CHN2: variants seen among roughly 807,000 people sequenced by gnomAD.
CHN2 encodes chimerin 2.
Under a neutral mutation model 56.3 loss-of-function variants are expected in CHN2, and 35 were observed. That is an observed-to-expected ratio of 0.62 (90% confidence interval 0.47 to 0.82). CHN2 has a LOEUF of 0.82. Ranked by LOEUF, CHN2 falls within the 40% of genes least tolerant of loss-of-function variation. CHN2 has a pLI of 0.00. For synonymous variants in CHN2, 210 were observed against 212.8 expected (o/e 0.99, Z 0.12); for missense variants, 491 against 580.5 (o/e 0.85, Z 1.58).
At chr7:29,175,176 T>C (rs1239917751) in intron 2 of CHN2, among the ~76,000 whole-genome samples, 2 of 148,462 alleles carry the variant, frequency 1.3e-5, no homozygotes, top group African/African-American at 2.5e-5. Context: ...CTTTTTCTTT[T>C]TCCTTTTTTT....
chr7:29,502,337 A>G (rs1227368545), intron 9 of CHN2, among the ~76,000 whole-genome samples: 2 of 152,152 alleles, frequency 1.3e-5, no homozygotes, highest in South Asian at 2.1e-4. Context: ...TGCGTGCACA[A>G]TCACAGTTGG....
chr7:29,435,144 G>C (rs1234041380), intron 6 of CHN2, among the ~76,000 whole-genome samples: 1 of 152,062 alleles, frequency 6.6e-6, no homozygotes, highest in Non-Finnish European at 1.5e-5. Flanking sequence ...AGATCATAAT[G>C]AGAGAATGAA....
chr7:29,332,581 CCAGGGTAAA>C (rs70980528), intron 1 of CHN2, among the ~76,000 whole-genome samples: 44,758 of 151,792 alleles, frequency 0.29, 7,013 homozygotes, highest in Admixed American at 0.36. Flanking sequence ...CACACGGTCT[CCAGGGTAAA>C]CAGCCCATCC....
At chr7:29,267,453 A>C (rs1342989007) in intron 1 of CHN2, among the ~76,000 whole-genome samples, 3 of 152,034 alleles carry the variant, frequency 2.0e-5, no homozygotes, top group Non-Finnish European at 4.4e-5. Context: ...CATGTTAGCC[A>C]GGCTGGTCTC....
chr7:29,274,835 T>G (rs536444458), intron 1 of CHN2, among the ~76,000 whole-genome samples: 1 of 152,370 alleles, frequency 6.6e-6, no homozygotes, highest in East Asian at 1.9e-4. Context: ...GCTCTGATCT[T>G]TCCAGGGCTG....
intron 1 of CHN2, among the ~76,000 whole-genome samples, chr7:29,214,759 C>A (rs1432564534): frequency 6.6e-6 from 1 of 152,098 alleles, no homozygotes; most frequent in Non-Finnish European, 1.5e-5. Flanking sequence ...ACTTAATCAC[C>A]CAAATATTTT....
intron 1 of CHN2, among the ~76,000 whole-genome samples, chr7:29,233,825 A>ATTTTTTTTTTTTTTTTTTTTTTTTTT (rs1175429614): frequency 1.9e-5 from 1 of 53,202 alleles, no homozygotes; most frequent in Non-Finnish European, 3.4e-5. Flanking sequence ...CAACACCTTG[A>ATTTTTTTTTTTTTTTTTTTTTTTTTT]TTTTTTTTTT....
At chr7:29,174,140 G>A (rs245910) in intron 2 of CHN2, among the ~76,000 whole-genome samples, 1 of 151,758 alleles carries the variant, frequency 6.6e-6, no homozygotes, top group Non-Finnish European at 1.5e-5. Context: ...AGACCCCCCC[G>A]TTTGGTGGCA....
chr7:29,449,560 A>G (rs925271278), intron 6 of CHN2, among the ~76,000 whole-genome samples: 2 of 152,264 alleles, frequency 1.3e-5, no homozygotes, highest in Non-Finnish European at 2.9e-5. Flanking sequence ...TACAAATCGT[A>G]AAGTATTTAC....
intron 7 of CHN2, among the ~76,000 whole-genome samples, chr7:29,487,713 C>T (rs893107905): frequency 2.0e-5 from 3 of 151,928 alleles, no homozygotes; most frequent in Non-Finnish European, 4.4e-5. Context: ...TCCCTCCTTC[C>T]TTTCCCTCCC....
At chr7:29,474,463 A>G (rs1786422508) in intron 6 of CHN2, among the ~76,000 whole-genome samples, 1 of 152,052 alleles carries the variant, frequency 6.6e-6, no homozygotes, top group African/African-American at 2.4e-5. Context: ...TCCATCTCCA[A>G]CTTTTTTTTT....
intron 1 of CHN2, among the ~76,000 whole-genome samples, chr7:29,240,816 T>TTCA (rs139491742): frequency 2.0e-5 from 3 of 149,324 alleles, no homozygotes; most frequent in Admixed American, 6.7e-5. Flanking sequence ...CTTCTTCTTC[T>TTCA]TCGTCGTCGT....
chr7:29,372,952 G>A (rs539306184), intron 3 of CHN2, among the ~76,000 whole-genome samples: 3 of 152,108 alleles, frequency 2.0e-5, no homozygotes, highest in African/African-American at 4.8e-5. Context: ...AGTGAATATG[G>A]GATTATAAAA....
intron 6 of CHN2, among the ~76,000 whole-genome samples, chr7:29,452,774 G>A (rs1257834315): frequency 6.6e-6 from 1 of 152,232 alleles, no homozygotes; most frequent in African/African-American, 2.4e-5. Flanking sequence ...TTTATAGGAA[G>A]AGTGAAAGAG....
chr7:29,261,488 G>GTATTTCTCTA (rs1789549762), intron 1 of CHN2, among the ~76,000 whole-genome samples: 1 of 146,058 alleles, frequency 6.8e-6, no homozygotes, highest in Admixed American at 7.1e-5. Context: ...ACCACCCTAA[G>GTATTTCTCTA]GACCACAAGT....
chr7:29,391,409 GGA>G (rs900199992), intron 3 of CHN2, among the ~76,000 whole-genome samples: 3 of 151,726 alleles, frequency 2.0e-5, no homozygotes, highest in African/African-American at 7.3e-5. Flanking sequence ...AGAGAGGAAG[GGA>G]GAGAGGGAAG....
chr7:29,213,364 A>G (rs39055), intron 1 of CHN2: 471,630 of 620,006 alleles, frequency 0.76, 181,398 homozygotes, highest in East Asian at 0.93. Flanking sequence ...TTGATGGAGG[A>G]TACAGTATGG....
intron 7 of CHN2, among the ~76,000 whole-genome samples, chr7:29,494,671 C>T (rs1789044048): frequency 6.6e-6 from 1 of 152,126 alleles, no homozygotes; most frequent in African/African-American, 2.4e-5. Context: ...ACTGAAATAC[C>T]AGAAAGACTA....
intron 1 of CHN2, among the ~76,000 whole-genome samples, chr7:29,301,066 T>C (rs1306749610): frequency 6.6e-6 from 1 of 152,136 alleles, no homozygotes; most frequent in East Asian, 1.9e-4. Flanking sequence ...AAGTTTAAAA[T>C]TTGTCAATTG....
Sources: allele counts gnomAD v4.1 joint callset (sites outside exome capture counted in the v4.1 genomes callset), GRCh38; gene constraint gnomAD v4.1.1; transcripts MANE v1.5; gene names NCBI Gene and HGNC (gene_info 2026-07-23, HGNC 2026-07-21).